The following TMEM63A variants were observed in gnomAD, a reference collection of about 807,000 sequenced individuals.
The protein encoded by TMEM63A is mechanosensitive cation channel TMEM63A.
Under a neutral mutation model 100.6 loss-of-function variants are expected in TMEM63A, and 76 were observed. The observed-to-expected ratio is 0.76, with a 90% CI of 0.63 to 0.91. TMEM63A has a LOEUF of 0.91. TMEM63A is among the 40% of genes least tolerant of loss of function. The probability of loss-of-function intolerance (pLI) is 0.00; values close to 1 mark genes in which losing one functional copy is unlikely to be tolerated. For synonymous variants in TMEM63A, 401 were observed against 401.1 expected (o/e 1.00, Z 0.00); for missense variants, 876 against 1,008.8 (o/e 0.87, Z 1.78).
At chr1:225,849,113 G>A (rs372369859) in intron 21 of TMEM63A, 101 bp from the exon 22 acceptor site, 48 of 877,714 alleles carry the variant, frequency 5.5e-5, no homozygotes, top group South Asian at 4.4e-4. Context: ...GAAACTGCCC[G>A]TGACTTCTCC....
At chr1:225,852,897 G>T in intron 19 of TMEM63A, 128 bp from the exon 20 acceptor site, 1 of 755,574 alleles carries the variant, frequency 1.3e-6, no homozygotes, top group Non-Finnish European at 2.2e-6. Flanking sequence ...GTGGCTCCCC[G>T]CCTCCCAAGG....
chr1:225,872,132 C>A, intron 4 of TMEM63A, 79 bp from the exon 5 acceptor site: 1 of 1,138,908 alleles, frequency 8.8e-7, no homozygotes, highest in Non-Finnish European at 1.3e-6. Context: ...AAGATCACAT[C>A]CAGTATTTTG....
intron 10 of TMEM63A, chr1:225,864,274 AG>A (rs1279167713): frequency 6.6e-6 from 1 of 152,258 alleles, no homozygotes; most frequent in Non-Finnish European, 1.5e-5. Flanking sequence ...TGCTGGTAAC[AG>A]GGCCTGGATG....
intron 20 of TMEM63A, 23 bp from the exon 21 acceptor site, chr1:225,850,102 C>G (rs771679013): frequency 2.5e-6 from 4 of 1,612,418 alleles, no homozygotes; most frequent in Admixed American, 3.3e-5. Flanking sequence ...GGGCTGTGAG[C>G]TGGAGACCTC....
At chr1:225,881,774 C>T (rs144911167) in intron 1 of TMEM63A, among the ~76,000 whole-genome samples, 2 of 152,194 alleles carry the variant, frequency 1.3e-5, no homozygotes, top group South Asian at 2.1e-4. Flanking sequence ...CTTAGCAGAG[C>T]TCGCCTCACC....
At chr1:225,870,824 C>T (rs1670473813) in intron 6 of TMEM63A, among the ~76,000 whole-genome samples, 1 of 152,204 alleles carries the variant, frequency 6.6e-6, no homozygotes, top group East Asian at 1.9e-4. Flanking sequence ...AAGCCCCAGG[C>T]TCCAGCAGGC....
At position 225,871,077 on chromosome 1, in the gene TMEM63A, G is replaced by A; in HGVS notation, c.370C>T (p.His124Tyr). The change falls in exon 6 of 25, where the codon CAT (histidine) becomes TAT (tyrosine). Residue 124 changes from histidine (H) to tyrosine (Y), a missense_variant and splice_region_variant. His to Tyr is a moderately conservative substitution (Grantham distance 83). This residue lies in a region of TMEM63A where 487 missense variants were observed against 581.9 expected (regional missense o/e 0.84). Transcript: ENST00000366835. ...GCAGCTGCCCCCGGGTGTACTCACT[G>A]CAGACGGAAGATGGCAGTCAGCCAG... is the stretch of plus-strand genomic sequence containing the variant. Reference protein sequence around the residue: ...CPWLTAIFRLHDDQILEWCGE... With the variant: ...CPWLTAIFRLYDDQILEWCGE... The A allele has an allele frequency of 1.2e-6, 2 of 1,614,082 alleles. No individual in the cohort carries two copies. Among genetic ancestry groups the A allele is most frequent in the Non-Finnish European group, 1.7e-6 (2 of 1,179,938 alleles).
At chr1:225,876,312 T>C (rs1270653276) in intron 3 of TMEM63A, among the ~76,000 whole-genome samples, 1 of 151,382 alleles carries the variant, frequency 6.6e-6, no homozygotes, top group Non-Finnish European at 1.5e-5. Context: ...CCACTCCTCC[T>C]TGCTACCCTA....
chr1:225,866,030 T>C (rs1247181753), intron 9 of TMEM63A, 63 bp from the exon 10 acceptor site: 2 of 1,551,720 alleles, frequency 1.3e-6, no homozygotes, highest in African/African-American at 1.4e-5. Context: ...TATGCTCAGG[T>C]TTCCTACCCA....
At chr1:225,849,678 G>A (rs1186408132) in intron 21 of TMEM63A, among the ~76,000 whole-genome samples, 1 of 152,224 alleles carries the variant, frequency 6.6e-6, no homozygotes, top group Non-Finnish European at 1.5e-5. Context: ...ATCATGTTTT[G>A]ATTGGACACC....
At position 225,856,736 on chromosome 1, in the gene TMEM63A, G is replaced by A. The variant is rs766702251; in HGVS notation, c.1487C>T (p.Ser496Leu). The change falls in exon 17 of 25, where the codon TCG becomes TTG. Residue 496 changes from serine (S) to leucine (L), a missense_variant and splice_region_variant. Around this residue, in one of 5 missense-constraint regions of TMEM63A, gnomAD observed 487 missense variants for 581.9 expected, o/e 0.84. Coordinates refer to ENST00000366835, the MANE Select transcript of TMEM63A (RefSeq NM_014698.3). ...GGTCATCATGATCTGGTTTTCCCCCGACCTGCAGGAAGTCAAAGGTGAGCA... is the reference window on the plus strand; with the variant it reads ...GGTCATCATGATCTGGTTTTCCCCCAACCTGCAGGAAGTCAAAGGTGAGCA... ...STLLESHWTK[S>L]GENQIMMTKV... 20 of 1,613,072 alleles carry A rather than the reference G, an allele frequency of 1.2e-5. No homozygotes were observed. Among genetic ancestry groups the A allele is most frequent in the Admixed American group, 5.0e-5 (3 of 59,822 alleles).
chr1:225,853,792 C>G lies in TMEM63A; in HGVS notation c.1635-1G>C, dbSNP rs989767394. 3 of 1,595,440 alleles carry G rather than the reference C, an allele frequency of 1.9e-6. No individual in the cohort carries two copies. The Admixed American group carries it at 5.2e-5, about 27-fold the overall frequency. On this transcript the variant is annotated splice_acceptor_variant, in intron 18 of 24. Coordinates refer to ENST00000366835, the MANE Select transcript of TMEM63A (RefSeq NM_014698.3). LOFTEE classifies it high-confidence loss of function. This position sits in a 1 kb window ranked among gnomAD's most constrained non-coding sequence, Gnocchi z 4.0. ...ACCCTGGTCAGGCAGGAAGACGCAC[C>G]TGGGGAAACCAGGGCCCAGGTCTGT...
At chr1:225,841,864 A>G (rs1233589139), downstream of TMEM63A, among the ~76,000 whole-genome samples, 1 of 152,114 alleles carries the variant, frequency 6.6e-6, no homozygotes, top group African/African-American at 2.4e-5. Flanking sequence ...TCACCCTCCC[A>G]AAGTGCTGGG....
chr1:225,861,550 G>A (rs1669937706), intron 13 of TMEM63A: 2 of 153,764 alleles, frequency 1.3e-5, no homozygotes, highest in Non-Finnish European at 2.9e-5. Flanking sequence ...CTGCCCCAGT[G>A]TCTGCAAGGA....
chr1:225,848,484 C>T lies in TMEM63A; in HGVS notation c.2250+8G>A. The stretch of plus-strand genomic sequence containing the variant: ...CGACAAGCTCAGAGGCTGAGGGGCA[C>T]AGCTTACTGTGAACGGTGGGGGCAT... On this transcript the variant is annotated splice_region_variant and intron_variant, in intron 23 of 24. Transcript: ENST00000366835. The T allele has an allele frequency of 1.2e-6, 2 of 1,614,010 alleles. No homozygotes were observed. The highest frequency in any genetic ancestry group is 1.7e-6 in the Non-Finnish European group (2 of 1,179,978).
At chr1:225,866,498 A>G in intron 9 of TMEM63A, 76 bp downstream of exon 9, 2 of 1,329,012 alleles carry the variant, frequency 1.5e-6, no homozygotes, top group South Asian at 2.5e-5. Context: ...CCTGTGGCAG[A>G]GCCTGGGAGG....
chr1:225,881,437 T>C (rs1671083136), intron 1 of TMEM63A, among the ~76,000 whole-genome samples: 1 of 152,182 alleles, frequency 6.6e-6, no homozygotes, highest in Non-Finnish European at 1.5e-5. Flanking sequence ...CTCCAGCTAA[T>C]GGGAAACACA....
At chr1:225,850,112 C>T (rs776991106) in intron 20 of TMEM63A, 33 bp from the exon 21 acceptor site, 14 of 1,610,532 alleles carry the variant, frequency 8.7e-6, no homozygotes, top group African/African-American at 8.0e-5. Flanking sequence ...CTGGAGACCT[C>T]GCAGGGCCAC....
chr1:225,847,138 T>G lies in TMEM63A; in HGVS notation c.2326A>C (p.Thr776Pro). 1 of 1,612,108 alleles carries G rather than the reference T, an allele frequency of 6.2e-7. No homozygotes were observed. The change falls in exon 24 of 25, where the codon ACC (threonine) becomes CCC (proline). Residue 776 changes from threonine (T) to proline (P), a missense_variant. Coordinates refer to ENST00000366835, the MANE Select transcript of TMEM63A (RefSeq NM_014698.3). The stretch of plus-strand genomic sequence containing the variant: ...CTGATGTTGTGGATGGCACCATAGG[T>G]CTGCTGCTGCTGCTGCTGCGGAGAC... ...ALSPQQQQQQTYGAIHNISGT... is the reference protein window; with the variant it reads ...ALSPQQQQQQPYGAIHNISGT...
Sources: gnomAD v4.1 joint callset for allele counts (sites outside exome capture counted in the v4.1 genomes callset) on GRCh38, gnomAD v4.1.1 for gene constraint, gnomAD v4.1.1 regional missense constraint, Gnocchi (gnomAD v3.1) non-coding constraint, MANE v1.5 for transcripts, NCBI Gene and HGNC (gene_info 2026-07-23, HGNC 2026-07-21) for gene names.